Variants in NDUFAF2 observed in about 807,000 individuals in gnomAD.
NDUFAF2 encodes the protein NADH:ubiquinone oxidoreductase complex assembly factor 2.
A neutral mutation model predicts 22.8 loss-of-function variants in NDUFAF2; 13 were observed. The ratio of observed to expected loss-of-function variants is 0.57; its 90% CI spans 0.37 to 0.91. The LOEUF (loss-of-function observed/expected upper bound fraction) is 0.91, where lower values mean the gene tolerates loss of function less well. Among genes scored for constraint, NDUFAF2 ranks in the 40% least tolerant of loss-of-function variants. The pLI is 0.01. For synonymous variants in NDUFAF2, 53 were observed against 64.2 expected (o/e 0.83, Z 0.84); for missense variants, 162 against 195.2 (o/e 0.83, Z 1.01).
intron 1 of NDUFAF2, among the ~76,000 whole-genome samples, chr5:60,961,107 A>G (rs908825695): frequency 6.6e-6 from 1 of 152,062 alleles, no homozygotes; most frequent in Non-Finnish European, 1.5e-5. Flanking sequence ...GAGAGAGAGG[A>G]TGAAGTTCGA....
intron 1 of NDUFAF2, among the ~76,000 whole-genome samples, chr5:61,052,436 G>A (rs1168355499): frequency 3.9e-5 from 6 of 152,048 alleles, no homozygotes; most frequent in East Asian, 3.9e-4. Context: ...TCAGCCTCCC[G>A]AGTAGCTGGA....
At chr5:61,119,369 G>A (rs887417962) in intron 3 of NDUFAF2, among the ~76,000 whole-genome samples, 1 of 152,004 alleles carries the variant, frequency 6.6e-6, no homozygotes, top group Non-Finnish European at 1.5e-5. Flanking sequence ...GTTAATATAT[G>A]TCTATAATTT....
intron 3 of NDUFAF2, among the ~76,000 whole-genome samples, chr5:61,138,311 A>G (rs1740994884): frequency 6.6e-6 from 1 of 152,198 alleles, no homozygotes; most frequent in Non-Finnish European, 1.5e-5. Flanking sequence ...GATAAAGAGA[A>G]ATGCACAATT....
At chr5:60,981,422 A>G (rs1005278724) in intron 1 of NDUFAF2, among the ~76,000 whole-genome samples, 1 of 152,218 alleles carries the variant, frequency 6.6e-6, no homozygotes, top group African/African-American at 2.4e-5. Context: ...GTTGTATGAA[A>G]AATGCTAAAG....
chr5:61,015,918 T>A (rs997739777), intron 1 of NDUFAF2, among the ~76,000 whole-genome samples: 7 of 152,202 alleles, frequency 4.6e-5, no homozygotes, highest in Non-Finnish European at 8.8e-5. Context: ...CTGGGTGCGG[T>A]GGCTCACGCC....
chr5:61,081,426 T>C (rs1214634763), intron 2 of NDUFAF2, among the ~76,000 whole-genome samples: 4 of 152,164 alleles, frequency 2.6e-5, no homozygotes, highest in Non-Finnish European at 4.4e-5. Context: ...ATAGTAATAA[T>C]GATACAAGCA....
chr5:61,047,394 C>T (rs1366773753), intron 1 of NDUFAF2, among the ~76,000 whole-genome samples: 1 of 151,996 alleles, frequency 6.6e-6, no homozygotes, highest in East Asian at 1.9e-4. Flanking sequence ...ATATCTGCAC[C>T]TAACCAATTG....
chr5:61,127,854 G>C (rs1753056982), intron 3 of NDUFAF2, among the ~76,000 whole-genome samples: 2 of 152,140 alleles, frequency 1.3e-5, no homozygotes, highest in Admixed American at 6.5e-5. Context: ...AAGTCAAATT[G>C]TCCCTGTTTG....
At chr5:61,022,183 C>T (rs962912250) in intron 1 of NDUFAF2, among the ~76,000 whole-genome samples, 24 of 152,154 alleles carry the variant, frequency 1.6e-4, no homozygotes, top group Non-Finnish European at 3.1e-4. Flanking sequence ...AACAAATTGA[C>T]AAAAATGTTA....
intron 2 of NDUFAF2, among the ~76,000 whole-genome samples, chr5:61,096,951 G>A (rs967186627): frequency 3.9e-5 from 6 of 152,084 alleles, no homozygotes; most frequent in Admixed American, 6.6e-5. Flanking sequence ...GTAACAGAGC[G>A]AGACTGTCTC....
chr5:60,992,583 A>G (rs1751175311), intron 1 of NDUFAF2, among the ~76,000 whole-genome samples: 1 of 152,146 alleles, frequency 6.6e-6, no homozygotes, highest in Non-Finnish European at 1.5e-5. Context: ...TTACAGTGTT[A>G]TAATATTCTG....
intron 1 of NDUFAF2, among the ~76,000 whole-genome samples, chr5:61,032,844 T>C (rs1376949609): frequency 1.3e-5 from 2 of 152,180 alleles, no homozygotes; most frequent in African/African-American, 4.8e-5. Context: ...GATTACTCAG[T>C]CAAATGGTAT....
chr5:61,120,943 A>G (rs1195173098), intron 3 of NDUFAF2, among the ~76,000 whole-genome samples: 1 of 152,106 alleles, frequency 6.6e-6, no homozygotes, highest in Non-Finnish European at 1.5e-5. Context: ...TGATTTTCTC[A>G]ATCTAAATTT....
At chr5:61,008,237 G>T (rs904841347) in intron 1 of NDUFAF2, among the ~76,000 whole-genome samples, 1 of 151,756 alleles carries the variant, frequency 6.6e-6, no homozygotes, top group Non-Finnish European at 1.5e-5. Context: ...CACCAGCATG[G>T]CACATGTATA....
chr5:61,025,034 T>G (rs547872051), intron 1 of NDUFAF2, among the ~76,000 whole-genome samples: 29 of 152,246 alleles, frequency 1.9e-4, no homozygotes, highest in Non-Finnish European at 3.7e-4. Context: ...AAAGCTTCTA[T>G]AACTGCTTAT....
chr5:61,140,131 G>A (rs1316293551), intron 3 of NDUFAF2, among the ~76,000 whole-genome samples: 2 of 152,258 alleles, frequency 1.3e-5, no homozygotes, highest in African/African-American at 4.8e-5. Flanking sequence ...AGCAGGTAGC[G>A]TGGTCAAGCA....
chr5:61,112,219 CTT>C (rs56806779), intron 3 of NDUFAF2, among the ~76,000 whole-genome samples: 128 of 132,124 alleles, frequency 9.7e-4, no homozygotes, highest in East Asian at 2.1e-3. Context: ...ATCCCCCCCC[CTT>C]TTTTTTTTTT....
At chr5:61,148,063 A>G (rs1282572956) in intron 3 of NDUFAF2, among the ~76,000 whole-genome samples, 2 of 152,194 alleles carry the variant, frequency 1.3e-5, no homozygotes, top group Admixed American at 6.5e-5. Flanking sequence ...GTGGGTTACT[A>G]TGCAGATTTC....
At chr5:60,948,268 G>A (rs1353295028) in intron 1 of NDUFAF2, among the ~76,000 whole-genome samples, 1 of 152,190 alleles carries the variant, frequency 6.6e-6, no homozygotes, top group Non-Finnish European at 1.5e-5. Flanking sequence ...CGCCCAGGCT[G>A]GAGTGCAGTG....
Sources: gnomAD v4.1 joint callset for allele counts (sites outside exome capture counted in the v4.1 genomes callset) on GRCh38, gnomAD v4.1.1 for gene constraint, MANE v1.5 for transcripts, NCBI Gene and HGNC (gene_info 2026-07-23, HGNC 2026-07-21) for gene names.